The following SHPRH variants were observed in gnomAD, a reference collection of about 807,000 sequenced individuals.
The protein encoded by SHPRH is SNF2 histone linker PHD RING helicase.
A neutral mutation model predicts 202.5 loss-of-function variants in SHPRH; 106 were observed. The ratio of observed to expected loss-of-function variants is 0.52; its 90% CI spans 0.45 to 0.62. The LOEUF (loss-of-function observed/expected upper bound fraction) is 0.62. SHPRH is among the 20% of genes least tolerant of loss of function. SHPRH has a pLI of 0.00. For synonymous variants in SHPRH, 729 were observed against 686.0 expected (o/e 1.06, Z -0.98); for missense variants, 1,710 against 2,020.0 (o/e 0.85, Z 2.94).
intron 1 of SHPRH, among the ~76,000 whole-genome samples, chr6:145,962,083 T>C (rs2128814507): frequency 6.6e-6 from 1 of 152,230 alleles, no homozygotes; most frequent in Non-Finnish European, 1.5e-5. Context: ...AAGTTTTCTA[T>C]ATGGACCGCA....
intron 2 of SHPRH, among the ~76,000 whole-genome samples, chr6:145,872,292 T>A (rs534780083): frequency 2.6e-5 from 4 of 152,252 alleles, no homozygotes; most frequent in Non-Finnish European, 1.5e-5. Flanking sequence ...TTGCAATCTA[T>A]GTATCTGACA....
At chr6:145,893,537 C>G in intron 27 of SHPRH, 144 bp from the exon 28 acceptor site, 1 of 713,952 alleles carries the variant, frequency 1.4e-6, no homozygotes, top group Non-Finnish European at 2.1e-6. Flanking sequence ...AAATTACCAA[C>G]TTTAGAAAAT....
At position 145,886,602 on chromosome 6, in the gene SHPRH, T is replaced by C. The variant is rs1781030900; in HGVS notation, c.*89A>G. The C allele has an allele frequency of 2.6e-6, 4 of 1,557,378 alleles. No homozygotes were observed. Among genetic ancestry groups the C allele is most frequent in the Non-Finnish European group, 3.5e-6 (4 of 1,153,336 alleles). ...TCAACTAGGAACAGTGTTACTGTTA[T>C]CTACTGGGTTTTTAAAACTTGTAAC... On this transcript the variant is annotated 3_prime_UTR_variant, in exon 30 of 30. Coordinates refer to ENST00000275233, the MANE Select transcript of SHPRH (RefSeq NM_001042683.3).
intron 11 of SHPRH, among the ~76,000 whole-genome samples, chr6:145,937,936 T>C (rs1158901006): frequency 6.6e-6 from 1 of 152,228 alleles, no homozygotes; most frequent in Admixed American, 6.5e-5. Context: ...TTCCTTTTTT[T>C]CATTTGTGAA....
chr6:145,951,793 T>A, intron 3 of SHPRH: 1 of 456,084 alleles, frequency 2.2e-6, no homozygotes, highest in Non-Finnish European at 4.4e-6. Context: ...TGACCCACCA[T>A]GAGCAGAACT....
At position 145,892,351 on chromosome 6, in the gene SHPRH, A is replaced by C. The variant is rs576478685; in HGVS notation, c.4874+864T>G. Among the ~76,000 whole-genome samples, 49 of 152,248 alleles carry C rather than the reference A, an allele frequency of 3.2e-4. 2 individuals carry two copies. Among genetic ancestry groups the C allele is most frequent in the South Asian group, 6.2e-4 (3 of 4,826 alleles). On this transcript the variant is annotated intron_variant, in intron 28 of 29. Coordinates refer to ENST00000275233, the MANE Select transcript of SHPRH (RefSeq NM_001042683.3). ...ACTCTGTAGGGCCCGAGTGATCATT[A>C]TCTTCTTTTGTTAACACAGTCCTTT...
At position 145,955,024 on chromosome 6, in the gene SHPRH, T is replaced by C. The variant is rs767657150; in HGVS notation, c.299A>G (p.Asn100Ser). The change falls in exon 2 of 30, where the codon AAT becomes AGT. Residue 100 changes from asparagine to serine, a missense_variant. Physicochemically the swap from Asn to Ser is conservative, Grantham distance 46. Transcript: ENST00000275233. ...GIFSPLSVKL[N>S]IVISPYHFDN... ...AAAATGATAGGGAGAAATCACAATA[T>C]TTAACTTTACAGACAAAGGGGAAAA... 35 of 1,613,300 alleles carry C rather than the reference T, an allele frequency of 2.2e-5. No individual in the cohort carries two copies. Among genetic ancestry groups the C allele is most frequent in the Non-Finnish European group, 2.8e-5 (33 of 1,179,928 alleles).
intron 15 of SHPRH, among the ~76,000 whole-genome samples, chr6:145,926,917 A>G (rs1784933547): frequency 6.6e-6 from 1 of 151,952 alleles, no homozygotes; most frequent in African/African-American, 2.4e-5. Context: ...CTACTCTTGG[A>G]AGTACAAGTA....
rs1784410449 is a variant in SHPRH, at chr6:145,921,310, G to A, written c.3865C>T (p.Arg1289Trp). The part of the protein sequence containing the change: ...LVDDRAPTTT[R>W]GLWAISETER... Reference sequence around the variant, plus strand: ...GTCTCACTTATTGCCCAGAGACCCCGGGTGGTGGTAGGTGCTCGATCATCC... The same window carrying A: ...GTCTCACTTATTGCCCAGAGACCCCAGGTGGTGGTAGGTGCTCGATCATCC... Residue 1289 changes from arginine (R) to tryptophan (W), a missense_variant, in exon 21 of 30, where the codon CGG (arginine) becomes TGG (tryptophan). Arg to Trp is a moderately radical substitution (Grantham distance 101). Transcript: ENST00000275233. The A allele has an allele frequency of 6.2e-7, 1 of 1,612,890 alleles. No individual in the cohort carries two copies.
intron 2 of SHPRH, 71 bp from the exon 3 acceptor site, chr6:145,952,549 GA>G: frequency 7.1e-7 from 1 of 1,407,288 alleles, no homozygotes; most frequent in East Asian, 2.4e-5. Flanking sequence ...ACATAAGCAA[GA>G]AAAAATTAGC....
intron 14 of SHPRH, among the ~76,000 whole-genome samples, chr6:145,929,274 A>C (rs768383380): frequency 6.6e-6 from 1 of 151,974 alleles, no homozygotes; most frequent in African/African-American, 2.4e-5. Context: ...GGTGGATTTG[A>C]TATTGTCAAG....
chr6:145,910,527 C>A lies in SHPRH; in HGVS notation c.4436G>T (p.Arg1479Leu). The A allele has an allele frequency of 6.2e-7, 1 of 1,612,852 alleles. No individual in the cohort carries two copies. Among genetic ancestry groups the A allele is most frequent in the Non-Finnish European group, 8.5e-7 (1 of 1,179,562 alleles). The change falls in exon 25 of 30, where the codon CGC becomes CTC. Residue 1479 changes from arginine (R) to leucine (L), a missense_variant. Arg to Leu is a moderately radical substitution (Grantham distance 102). Transcript: ENST00000275233. ...HRSSIKCAIC[R>L]QTTSHKEISY... ...GATTTCTTTGTGAGATGTGGTCTGG[C>A]GGCAGATTGCACACTTAATGGAGCT...
intron 20 of SHPRH, 32 bp from the exon 21 acceptor site, chr6:145,921,424 C>A (rs751570150): frequency 6.3e-7 from 1 of 1,598,128 alleles, no homozygotes. Context: ...ACAACAGTAA[C>A]TGGTATCAGT....
At chr6:145,910,350 G>C in intron 25 of SHPRH, 98 bp downstream of exon 25, 7 of 1,386,108 alleles carry the variant, frequency 5.1e-6, no homozygotes, top group Non-Finnish European at 7.0e-6. Context: ...CCTATTCACT[G>C]TCAAGCTTGT....
chr6:145,941,230 T>A (rs1170253961), intron 10 of SHPRH, among the ~76,000 whole-genome samples: 2 of 152,224 alleles, frequency 1.3e-5, no homozygotes, highest in African/African-American at 2.4e-5. Flanking sequence ...AAGTAGTATT[T>A]TCTGTTACCA....
In SHPRH at chr6:145,941,727, G is replaced by A. The variant is rs765062036; in HGVS notation, c.2386C>T (p.Arg796Trp). 11 of 1,613,970 alleles carry A rather than the reference G, an allele frequency of 6.8e-6. No homozygotes were observed. The highest frequency in any genetic ancestry group is 1.7e-5 in the Admixed American group (1 of 59,970). Residue 796 changes from arginine (R) to tryptophan (W), a missense_variant, in exon 10 of 30, where the codon CGG becomes TGG. Physicochemically the swap from Arg to Trp is moderately radical, Grantham distance 101. This residue lies in a region of SHPRH where 277 missense variants were observed against 363.0 expected (regional missense o/e 0.76). Transcript: ENST00000275233. ...ATAGCCATATAGCGCTTCTGGTTCCGTAGGCGACGCCCATCCTCACTATTG... is the reference window on the plus strand; with the variant it reads ...ATAGCCATATAGCGCTTCTGGTTCCATAGGCGACGCCCATCCTCACTATTG... ...HSNSEDGRRL[R>W]NQKRYMAIPS... is the part of the protein sequence containing the mutation.
At chr6:145,894,417 TTTG>T (rs1216637946) in intron 26 of SHPRH, among the ~76,000 whole-genome samples, 181 bp from the exon 27 acceptor site, 178 of 115,592 alleles carry the variant, frequency 1.5e-3, no homozygotes, top group African/African-American at 5.6e-3. Flanking sequence ...AGTAATTTTG[TTTG>T]TTTTTTTTTT....
At chr6:145,892,863 C>G (rs1042626204) in intron 28 of SHPRH, among the ~76,000 whole-genome samples, 1 of 151,946 alleles carries the variant, frequency 6.6e-6, no homozygotes, top group Non-Finnish European at 1.5e-5. Flanking sequence ...AAACTCCATT[C>G]TCCTCAAAGG....
chr6:145,869,348 G>C (rs1024645748), intron 2 of SHPRH, among the ~76,000 whole-genome samples: 1 of 152,228 alleles, frequency 6.6e-6, no homozygotes, highest in African/African-American at 2.4e-5. Context: ...TAGTTTGAAT[G>C]AAGTATAGCT....
Sources: allele counts gnomAD v4.1 joint callset (sites outside exome capture counted in the v4.1 genomes callset), GRCh38; gene constraint gnomAD v4.1.1; regional missense constraint gnomAD v4.1.1; transcripts MANE v1.5; gene names NCBI Gene and HGNC (gene_info 2026-07-23, HGNC 2026-07-21).